SSB: variants seen among roughly 807,000 people sequenced by gnomAD.
SSB encodes the protein small RNA binding exonuclease protection factor La.
Under a neutral mutation model 52.9 loss-of-function variants are expected in SSB, and 17 were observed. The ratio of observed to expected loss-of-function variants is 0.32; its 90% CI spans 0.22 to 0.48. The LOEUF is 0.48. SSB is among the 20% of genes least tolerant of loss of function. SSB has a pLI of 0.99. For synonymous variants in SSB, 111 were observed against 152.1 expected (o/e 0.73, Z 1.99); for missense variants, 314 against 463.6 (o/e 0.68, Z 2.96).
At chr2:169,800,311 G>T (rs1689681433) in intron 1 of SSB, among the ~76,000 whole-genome samples, 2 of 151,976 alleles carry the variant, frequency 1.3e-5, no homozygotes, top group Admixed American at 6.6e-5. Context: ...CGGGTGGATC[G>T]CCAGAGGTCA....
At chr2:169,801,681 A>G (rs1237775922) in intron 2 of SSB, among the ~76,000 whole-genome samples, 2 of 151,554 alleles carry the variant, frequency 1.3e-5, no homozygotes, top group African/African-American at 4.8e-5. Context: ...CTACAGGAGC[A>G]CGCCACCACA....
In SSB at chr2:169,811,252, A is replaced by G; in HGVS notation, c.1067A>G (p.Gln356Arg). Residue 356 changes from glutamine (Q) to arginine (R), a missense_variant, in exon 11 of 12, where the codon CAG becomes CGG. Coordinates refer to ENST00000260956, the MANE Select transcript of SSB (RefSeq NM_003142.5). ...AQPGSGKGKV[Q>R]FQGKKTKFAS... ...CCTGGGTCTGGTAAAGGAAAAGTAC[A>G]GTTTCAGGGCAAGAAAACGAAATTT... 5 of 1,610,754 alleles carry G rather than the reference A, an allele frequency of 3.1e-6. No homozygotes were observed. Among genetic ancestry groups the G allele is most frequent in the Non-Finnish European group, 3.4e-6 (4 of 1,179,384 alleles).
rs1293135270 is a variant in SSB, at chr2:169,810,264, A to G, written c.670-19A>G. 6.3e-7 allele frequency: 1 copy of G among 1,580,234 alleles called. No individual in the cohort carries two copies. The highest frequency in any genetic ancestry group is 1.9e-5 in the Admixed American group (1 of 53,172). On this transcript the variant is annotated intron_variant, in intron 8 of 11. Coordinates refer to ENST00000260956, the MANE Select transcript of SSB (RefSeq NM_003142.5). ...GTTGCTTTTAAGAAACTTTTTGATC[A>G]CTTTGTATATTTTTATAGAAATCTC...
Position 169,810,136 on chromosome 2 carries a change from G to A in SSB, c.670-147G>A, listed in dbSNP as rs569331393. On this transcript the variant is annotated intron_variant, in intron 8 of 11. Coordinates refer to ENST00000260956, the MANE Select transcript of SSB (RefSeq NM_003142.5). Reference sequence around the variant, plus strand: ...TTATTATTTTTTGAGATGGAGTTTCGCTCTTGCTGCCCCGGCGGAAGAAAC... The same window carrying A: ...TTATTATTTTTTGAGATGGAGTTTCACTCTTGCTGCCCCGGCGGAAGAAAC... The A allele has an allele frequency of 2.1e-4, 88 of 422,688 alleles. No individual in the cohort carries two copies. The South Asian group carries it at 3.1e-3, about 15-fold the overall frequency. The allele number at this position is 422,688 out of a possible 1,614,324, so 26.2% of individuals were successfully genotyped here. A position where few individuals can be genotyped will look rare whatever the true frequency, so the allele number is the denominator to read the frequency against.
chr2:169,811,784 T>A lies in SSB; in HGVS notation c.*28T>A. 6.2e-7 allele frequency: 1 copy of A among 1,613,478 alleles called. No individual in the cohort carries two copies. The highest frequency in any genetic ancestry group is 8.5e-7 in the Non-Finnish European group (1 of 1,179,742). The stretch of plus-strand genomic sequence containing the variant: ...TAGTAAACCAATTTTTTATTCATTT[T>A]AAATAGGTTTTAAACGACTTTTGTT... On this transcript the variant is annotated 3_prime_UTR_variant, in exon 12 of 12. Transcript: ENST00000260956.
intron 2 of SSB, among the ~76,000 whole-genome samples, chr2:169,802,475 T>G (rs1689732695): frequency 6.6e-6 from 1 of 152,016 alleles, no homozygotes; most frequent in East Asian, 1.9e-4. Flanking sequence ...TTCCTTTTTT[T>G]GGTATTAATT....
At position 169,811,815 on chromosome 2, in the gene SSB, G is replaced by A. The variant is rs766329392; in HGVS notation, c.*59G>A. The A allele has an allele frequency of 1.2e-6, 2 of 1,613,512 alleles. No individual in the cohort carries two copies. The highest frequency in any genetic ancestry group is 2.2e-5 in the South Asian group (2 of 90,968). ...GGTTTTAAACGACTTTTGTTTGCGG[G>A]GCTTTTAAAAGGAAAACCGAATTAG... is the stretch of plus-strand genomic sequence containing the variant. On this transcript the variant is annotated 3_prime_UTR_variant, in exon 12 of 12. Coordinates refer to ENST00000260956, the MANE Select transcript of SSB (RefSeq NM_003142.5).
chr2:169,808,323 A>G (rs2105702655), intron 6 of SSB, among the ~76,000 whole-genome samples, 159 bp from the exon 7 acceptor site: 1 of 152,226 alleles, frequency 6.6e-6, no homozygotes, highest in South Asian at 2.1e-4. Flanking sequence ...AACATGAGAG[A>G]GTAAATTCCT....
rs1299579674 is a variant in SSB, at chr2:169,808,507, GAAGA to G, written c.587_590del (p.Arg196AsnfsTer9). The G allele has an allele frequency of 3.7e-6, 6 of 1,613,610 alleles. No homozygotes were observed. The African/African-American group carries it at 6.7e-5, about 18-fold the overall frequency. ...GGACGATTACTTTGCCAAAAAAAAT[GAAGA>G]AAGAAAACAAAATAAAGTGGAAGCT... On this transcript the variant is annotated frameshift_variant, in exon 7 of 12. Coordinates refer to ENST00000260956, the MANE Select transcript of SSB (RefSeq NM_003142.5). LOFTEE classifies it high-confidence loss of function.
At chr2:169,801,421 GT>G in intron 2 of SSB, among the ~76,000 whole-genome samples, 1 of 151,122 alleles carries the variant, frequency 6.6e-6, no homozygotes, top group East Asian at 1.9e-4. Flanking sequence ...CCTTGGTAAA[GT>G]ACCTTCCCTG....
At chr2:169,810,203 T>C in intron 8 of SSB, 80 bp from the exon 9 acceptor site, 1 of 1,025,048 alleles carries the variant, frequency 9.8e-7, no homozygotes, top group South Asian at 2.7e-5. Flanking sequence ...TTTTCTTGTA[T>C]AGCTATAAGG....
intron 9 of SSB, 94 bp from the exon 10 acceptor site, chr2:169,810,764 G>A: frequency 2.4e-6 from 3 of 1,227,460 alleles, no homozygotes; most frequent in African/African-American, 1.5e-5. Context: ...AGACATGGAA[G>A]GTTTGCAGGG....
At chr2:169,808,256 A>G (rs1689869255) in intron 6 of SSB, among the ~76,000 whole-genome samples, 1 of 152,208 alleles carries the variant, frequency 6.6e-6, no homozygotes, top group African/African-American at 2.4e-5. Context: ...GTACACTTTA[A>G]AAGAGTGAAT....
Position 169,810,298 on chromosome 2 carries a change from A to C in SSB, c.685A>C (p.Lys229Gln). The C allele has an allele frequency of 6.2e-7, 1 of 1,603,694 alleles. No individual in the cohort carries two copies. Among genetic ancestry groups the C allele is most frequent in the Non-Finnish European group, 8.5e-7 (1 of 1,177,430 alleles). The stretch of plus-strand genomic sequence containing the variant: ...ATTTTTATAGAAATCTCTAGAAGAA[A>C]AGATTGGATGCTTGCTGAAATTTTC... ...EDAEMKSLEE[K>Q]IGCLLKFSGD... The change falls in exon 9 of 12, where the codon AAG (lysine) becomes CAG (glutamine). Residue 229 changes from lysine (K) to glutamine (Q), a missense_variant. Transcript: ENST00000260956.
intron 8 of SSB, among the ~76,000 whole-genome samples, chr2:169,809,145 C>A (rs1401227624): frequency 1.3e-5 from 2 of 152,222 alleles, no homozygotes; most frequent in African/African-American, 4.8e-5. Flanking sequence ...CTTTGGAAGG[C>A]CGAGGCGGGC....
chr2:169,803,869 G>A (rs759115400), intron 2 of SSB, among the ~76,000 whole-genome samples: 6 of 152,064 alleles, frequency 3.9e-5, no homozygotes, highest in Admixed American at 6.6e-5. Flanking sequence ...CATCCGAGTA[G>A]TTGGGATTAC....
intron 7 of SSB, 32 bp from the exon 8 acceptor site, chr2:169,808,828 G>T: frequency 3.4e-6 from 5 of 1,469,194 alleles, no homozygotes; most frequent in Non-Finnish European, 4.7e-6. Context: ...ATAGTAAATA[G>T]AAGTATGTTA....
intron 8 of SSB, among the ~76,000 whole-genome samples, chr2:169,809,731 G>C (rs573722113): frequency 2.0e-5 from 3 of 151,978 alleles, no homozygotes; most frequent in Admixed American, 6.5e-5. Flanking sequence ...TTCTGCCTCA[G>C]CCTCCCGAGT....
At chr2:169,800,051 A>G (rs958116755) in intron 1 of SSB, among the ~76,000 whole-genome samples, 3 of 152,180 alleles carry the variant, frequency 2.0e-5, no homozygotes, top group South Asian at 2.1e-4. Flanking sequence ...TGGCTATCCA[A>G]TGTATTAGTA....
Sources: gnomAD v4.1 joint callset for allele counts (sites outside exome capture counted in the v4.1 genomes callset) on GRCh38, gnomAD v4.1.1 for gene constraint, MANE v1.5 for transcripts, NCBI Gene and HGNC (gene_info 2026-07-23, HGNC 2026-07-21) for gene names.